The following CEP350 variants were observed in gnomAD, a reference collection of about 807,000 sequenced individuals.
CEP350 encodes centrosomal protein 350, also known as centrosome-associated protein 350.
CEP350 carries 126 observed loss-of-function variants against 331.8 expected under a neutral mutation model. The ratio of observed to expected loss-of-function variants is 0.38; its 90% confidence interval spans 0.33 to 0.44. CEP350 has a LOEUF of 0.44. Ranked by LOEUF, CEP350 falls within the 20% of genes least tolerant of loss-of-function variation. CEP350 has a pLI of 1.00. For synonymous variants in CEP350, 1,200 were observed against 1,259.5 expected (o/e 0.95, Z 1.00); for missense variants, 3,406 against 3,634.6 (o/e 0.94, Z 1.62).
rs1219638032 is a variant in CEP350 at position 180,071,323 on chromosome 1, G to C, written c.5568-3699G>C. Among the ~76,000 whole-genome samples, 4 of 150,274 alleles carry C rather than the reference G, an allele frequency of 2.7e-5. No individual in the cohort carries two copies. In the East Asian group the frequency reaches 7.8e-4, roughly 29 times the overall value. On this transcript the variant is annotated intron_variant, in intron 27 of 37. Coordinates refer to ENST00000367607, the MANE Select transcript of CEP350 (RefSeq NM_014810.5). ...AAATCCAAAAAATTAGCCGGGCGTG[G>C]TGATGCGCGCCTGTAATCCCAGCTA...
Position 179,986,259 on chromosome 1 carries a change from G to T in CEP350, c.73+5G>T, listed in dbSNP as rs1323660737. The T allele has an allele frequency of 1.3e-6, 2 of 1,548,036 alleles. No homozygotes were observed. On this transcript the variant is annotated splice_donor_5th_base_variant and intron_variant, in intron 2 of 37. Coordinates refer to ENST00000367607, the MANE Select transcript of CEP350 (RefSeq NM_014810.5). ...AAAGCAAGGATACTGTTCAAGGTAT[G>T]ATTTTGTTTTTTTAAACAGAACTTA...
At chr1:179,964,549 C>T (rs1171548990) in intron 1 of CEP350, among the ~76,000 whole-genome samples, 1 of 151,934 alleles carries the variant, frequency 6.6e-6, no homozygotes, top group East Asian at 1.9e-4. Flanking sequence ...ATAACTGATT[C>T]AATTTTGTAA....
intron 8 of CEP350, among the ~76,000 whole-genome samples, chr1:180,010,852 C>T (rs1275206576): frequency 6.6e-6 from 1 of 152,138 alleles, no homozygotes; most frequent in Non-Finnish European, 1.5e-5. Context: ...CCAAGCATTC[C>T]TCCTGCCTCA....
intron 27 of CEP350, among the ~76,000 whole-genome samples, chr1:180,067,763 T>A (rs2149032109): frequency 6.6e-6 from 1 of 152,344 alleles, no homozygotes; most frequent in East Asian, 1.9e-4. Context: ...AAGAATATTG[T>A]TATATACTAT....
chr1:180,069,396 A>G (rs1247086627), intron 27 of CEP350, among the ~76,000 whole-genome samples: 1 of 152,222 alleles, frequency 6.6e-6, no homozygotes, highest in Non-Finnish European at 1.5e-5. Flanking sequence ...AGGATTTTCA[A>G]GAGAAGGCTT....
At chr1:180,103,129 T>A (rs1160836354) in intron 37 of CEP350, among the ~76,000 whole-genome samples, 1 of 152,208 alleles carries the variant, frequency 6.6e-6, no homozygotes, top group East Asian at 1.9e-4. Flanking sequence ...CCAGGTGTGA[T>A]GTTTACTGGT....
chr1:180,095,896 A>C lies in CEP350; in HGVS notation c.8885A>C (p.Asp2962Ala). Residue 2962 changes from aspartate to alanine, a missense_variant, in exon 35 of 38, where the codon GAT becomes GCT. This residue lies in a region of CEP350 where 1,415 missense variants were observed against 1,512.3 expected (regional missense o/e 0.94). Transcript: ENST00000367607. ...KLLGCASKGL[D>A]IESTSKRVYK... is the part of the protein sequence containing the mutation. ...CTTGGCTGTGCCAGTAAAGGTCTAGATATAGAAAGCACTAGTAAAAGGGTC... is the reference window on the plus strand; with the variant it reads ...CTTGGCTGTGCCAGTAAAGGTCTAGCTATAGAAAGCACTAGTAAAAGGGTC... 6.2e-7 allele frequency: 1 copy of C among 1,608,134 alleles called. No individual in the cohort carries two copies. Among genetic ancestry groups the C allele is most frequent in the Non-Finnish European group, 8.5e-7 (1 of 1,177,894 alleles).
chr1:180,102,641 A>G (rs887839380), intron 37 of CEP350, among the ~76,000 whole-genome samples: 1 of 152,192 alleles, frequency 6.6e-6, no homozygotes, highest in African/African-American at 2.4e-5. Context: ...ATATAGGTGC[A>G]TTGTTTCTGC....
intron 15 of CEP350, among the ~76,000 whole-genome samples, chr1:180,032,545 C>T (rs1656091505): frequency 6.6e-6 from 1 of 151,998 alleles, no homozygotes; most frequent in Non-Finnish European, 1.5e-5. Context: ...TCTAGATTTC[C>T]CCTTCCCTAC....
At chr1:180,035,725 A>G (rs561646342) in intron 16 of CEP350, among the ~76,000 whole-genome samples, 3 of 152,324 alleles carry the variant, frequency 2.0e-5, no homozygotes, top group African/African-American at 7.2e-5. Flanking sequence ...AAAAATATTT[A>G]TTCCTGCTTA....
In CEP350 at chr1:180,028,731, A is replaced by G. The variant is rs1655828941; in HGVS notation, c.3551-2589A>G. On this transcript the variant is annotated intron_variant, in intron 14 of 37. Coordinates refer to ENST00000367607, the MANE Select transcript of CEP350 (RefSeq NM_014810.5). ...AGGTGGGAGGATCAGTTGAGTCCCC[A>G]AAGTTGAGGCTGCAGTGAGCCATGA... Among the ~76,000 whole-genome samples the G allele has an allele frequency of 2.0e-5, 3 of 152,090 alleles. No homozygotes were observed. The South Asian group carries it at 6.2e-4, about 32-fold the overall frequency.
At chr1:179,959,036 A>G in intron 1 of CEP350, among the ~76,000 whole-genome samples, 1 of 152,082 alleles carries the variant, frequency 6.6e-6, no homozygotes, top group East Asian at 1.9e-4. Flanking sequence ...ACTTTTTTCT[A>G]AAAAAAGGAA....
At chr1:179,979,686 A>T (rs1446777246) in intron 1 of CEP350, among the ~76,000 whole-genome samples, 1 of 151,904 alleles carries the variant, frequency 6.6e-6, no homozygotes, top group Non-Finnish European at 1.5e-5. Flanking sequence ...TTGGGTTCTT[A>T]TATTTAAGTC....
rs1313214498 is a variant in CEP350, at chr1:180,094,479, G to A, written c.8374G>A (p.Asp2792Asn). The change falls in exon 34 of 38, where the codon GAC becomes AAC. Residue 2792 changes from aspartate (D) to asparagine (N), a missense_variant. Transcript: ENST00000367607. ...TAGCAATCAGGAGCTTCTTGGTGATGACCAAAAGAAAGTAACACCCCAAGA... is the reference window on the plus strand; with the variant it reads ...TAGCAATCAGGAGCTTCTTGGTGATAACCAAAAGAAAGTAACACCCCAAGA... ...QLSNQELLGD[D>N]QKKVTPQDLS... is the part of the protein sequence containing the mutation. 1 of 1,613,792 alleles carries A rather than the reference G, an allele frequency of 6.2e-7. No homozygotes were observed. The highest frequency in any genetic ancestry group is 1.1e-5 in the South Asian group (1 of 91,036).
At position 180,092,683 on chromosome 1, in the gene CEP350, A is replaced by G. The variant is rs772860773; in HGVS notation, c.6578A>G (p.Asn2193Ser). Residue 2193 changes from asparagine (N) to serine (S), a missense_variant, in exon 34 of 38, where the codon AAT becomes AGT. By Grantham distance (46) the Asn-to-Ser change is conservative. Around this residue, in one of 5 missense-constraint regions of CEP350, gnomAD observed 1,415 missense variants for 1,512.3 expected, o/e 0.94. Coordinates refer to ENST00000367607, the MANE Select transcript of CEP350 (RefSeq NM_014810.5). ...TTATCTGCATATGCAAAGAGAGTAA[A>G]TGAATGGGACAGTCGAACAGAAGAT... ...RSLSAYAKRV[N>S]EWDSRTEDFQ... is the part of the protein sequence containing the mutation. 87 of 1,613,124 alleles carry G rather than the reference A, an allele frequency of 5.4e-5. No homozygotes were observed. Among genetic ancestry groups the G allele is most frequent in the Non-Finnish European group, 7.1e-5 (84 of 1,179,556 alleles).
chr1:179,977,252 T>G (rs1027347488), intron 1 of CEP350, among the ~76,000 whole-genome samples: 6 of 152,212 alleles, frequency 3.9e-5, no homozygotes, highest in African/African-American at 1.4e-4. Context: ...GTGATTGATA[T>G]CTCTAGTATT....
Position 180,042,165 on chromosome 1 carries a change from C to CACACAT in CEP350, c.4362+366_4362+367insCATACA, listed in dbSNP as rs1553258539. Among the ~76,000 whole-genome samples, 27 of 151,636 alleles carry CACACAT rather than the reference C, an allele frequency of 1.8e-4. No homozygotes were observed. The South Asian group carries it at 5.0e-3, about 28-fold the overall frequency. On this transcript the variant is annotated intron_variant, in intron 19 of 37. Transcript: ENST00000367607. The stretch of plus-strand genomic sequence containing the variant: ...ACACACACACACACACACACACACA[C>CACACAT]ACATCTCCCTATAACCATCACCACA...
chr1:180,052,020 A>AATTC (rs1030358871), intron 22 of CEP350, among the ~76,000 whole-genome samples: 37 of 152,364 alleles, frequency 2.4e-4, no homozygotes, highest in African/African-American at 8.7e-4. Context: ...CATAAGTACG[A>AATTC]ATTCATGTTT....
intron 14 of CEP350, among the ~76,000 whole-genome samples, chr1:180,027,414 T>C (rs1393003967): frequency 6.6e-6 from 1 of 152,180 alleles, no homozygotes; most frequent in Non-Finnish European, 1.5e-5. Context: ...GGTCTCACTC[T>C]ATCACCCAGG....
Sources: allele counts gnomAD v4.1 joint callset (sites outside exome capture counted in the v4.1 genomes callset), GRCh38; gene constraint gnomAD v4.1.1; regional missense constraint gnomAD v4.1.1; transcripts MANE v1.5; gene names NCBI Gene and HGNC (gene_info 2026-07-23, HGNC 2026-07-21).